AKAP19: variants seen among roughly 807,000 people sequenced by gnomAD.
The protein encoded by AKAP19 is small A-kinase anchoring protein.
At chr2:190,093,305 C>T in the AKAP19 span, among the ~76,000 whole-genome samples, 1 of 151,712 alleles carries the variant, frequency 6.6e-6, no homozygotes, top group South Asian at 2.1e-4. Context: ...TGGTGGTGGA[C>T]GCCTGTAATC....
At chr2:190,199,817 A>T in the AKAP19 span, 5 of 1,596,062 alleles carry the variant, frequency 3.1e-6, no homozygotes, top group African/African-American at 6.7e-5. Flanking sequence ...ATGGCCTGGA[A>T]GTAGTCTTTG....
At chr2:189,893,498 C>T in the AKAP19 span, among the ~76,000 whole-genome samples, 11 of 152,294 alleles carry the variant, frequency 7.2e-5, no homozygotes, top group East Asian at 1.9e-4. Flanking sequence ...TTGCACTTGC[C>T]GGGTGAGGCG....
the AKAP19 span, among the ~76,000 whole-genome samples, chr2:190,187,506 A>AT: frequency 6.6e-6 from 1 of 151,512 alleles, no homozygotes; most frequent in East Asian, 1.9e-4. Flanking sequence ...TTCCCAAGGA[A>AT]TTTACTCCTT....
the AKAP19 span, chr2:189,923,485 G>A: frequency 6.2e-7 from 1 of 1,613,938 alleles, no homozygotes; most frequent in Non-Finnish European, 8.5e-7. Context: ...CTGTTCATAA[G>A]GGCTTTGCCT....
the AKAP19 span, chr2:190,201,600 A>AG: frequency 6.0e-6 from 1 of 167,068 alleles, no homozygotes; most frequent in African/African-American, 2.4e-5. Context: ...TAATACTTTG[A>AG]AACCCACAAT....
At chr2:190,089,000 T>A in the AKAP19 span, among the ~76,000 whole-genome samples, 4 of 152,230 alleles carry the variant, frequency 2.6e-5, no homozygotes, top group Non-Finnish European at 5.9e-5. Flanking sequence ...ATGGAAGCCC[T>A]GACTTAGGTT....
the AKAP19 span, among the ~76,000 whole-genome samples, chr2:190,087,459 C>T: frequency 1.3e-5 from 2 of 152,206 alleles, no homozygotes; most frequent in East Asian, 3.8e-4. Context: ...TGGCCATACT[C>T]TTTACTTGAT....
the AKAP19 span, among the ~76,000 whole-genome samples, chr2:190,081,906 T>C: frequency 1.3e-5 from 2 of 152,122 alleles, no homozygotes; most frequent in Non-Finnish European, 2.9e-5. Flanking sequence ...AGAGAAACTT[T>C]GAAAACTGAG....
At chr2:189,912,157 TTTTG>T in the AKAP19 span, among the ~76,000 whole-genome samples, 6 of 152,094 alleles carry the variant, frequency 3.9e-5, no homozygotes, top group Non-Finnish European at 7.4e-5. Context: ...TTTCAGTTGT[TTTTG>T]TTTGTTTTTC....
the AKAP19 span, among the ~76,000 whole-genome samples, chr2:190,000,552 G>A: frequency 5.9e-5 from 9 of 152,112 alleles, no homozygotes; most frequent in Admixed American, 4.6e-4. Flanking sequence ...CAAACTGAGG[G>A]GTTTCACTTC....
chr2:190,148,062 G>A, the AKAP19 span, among the ~76,000 whole-genome samples: 1 of 152,000 alleles, frequency 6.6e-6, no homozygotes, highest in Non-Finnish European at 1.5e-5. Flanking sequence ...GAGTGGTGAG[G>A]GTGGGCATCC....
the AKAP19 span, among the ~76,000 whole-genome samples, chr2:190,104,138 G>A: frequency 7.9e-5 from 12 of 152,202 alleles, no homozygotes; most frequent in Non-Finnish European, 1.5e-4. Flanking sequence ...AGCCATATGC[G>A]GAGGAATGAA....
At chr2:190,170,913 TAGATC>T in the AKAP19 span, among the ~76,000 whole-genome samples, 7 of 152,330 alleles carry the variant, frequency 4.6e-5, no homozygotes, top group Admixed American at 3.3e-4. Flanking sequence ...TGGATAGTCT[TAGATC>T]AGATAAAGTA....
At chr2:190,038,909 T>TCTA in the AKAP19 span, among the ~76,000 whole-genome samples, 2 of 112,120 alleles carry the variant, frequency 1.8e-5, no homozygotes, top group Non-Finnish European at 1.7e-5. Flanking sequence ...TCTTTCTTCT[T>TCTA]CTTCTTCTTC....
chr2:189,984,330 T>G, the AKAP19 span, among the ~76,000 whole-genome samples: 2 of 152,156 alleles, frequency 1.3e-5, no homozygotes, highest in African/African-American at 2.4e-5. Flanking sequence ...ATTCTCTTTC[T>G]CAGGGACGTT....
chr2:190,161,294 T>C, the AKAP19 span, among the ~76,000 whole-genome samples: 1 of 152,150 alleles, frequency 6.6e-6, no homozygotes, highest in South Asian at 2.1e-4. Flanking sequence ...CCTTAATCAG[T>C]CCTACATGGA....
the AKAP19 span, among the ~76,000 whole-genome samples, chr2:190,163,392 C>T: frequency 6.6e-6 from 1 of 151,644 alleles, no homozygotes; most frequent in African/African-American, 2.4e-5. Context: ...CGAGATCGCG[C>T]CACTGCACTC....
At chr2:189,900,610 CTTT>C in the AKAP19 span, among the ~76,000 whole-genome samples, 10 of 151,842 alleles carry the variant, frequency 6.6e-5, no homozygotes, top group African/African-American at 4.8e-5. Context: ...TTACCAGTTT[CTTT>C]TTTTTCTGTT....
At chr2:190,005,180 T>C in the AKAP19 span, among the ~76,000 whole-genome samples, 2 of 152,182 alleles carry the variant, frequency 1.3e-5, no homozygotes, top group African/African-American at 4.8e-5. Context: ...CAGCAAGATT[T>C]ATTGTGAAGA....
Sources: allele counts gnomAD v4.1 joint callset (sites outside exome capture counted in the v4.1 genomes callset), GRCh38; gene constraint gnomAD v4.1.1; transcripts MANE v1.5; gene names NCBI Gene and HGNC (gene_info 2026-07-23, HGNC 2026-07-21).